The following TENM4 variants were observed in gnomAD, a reference collection of about 807,000 sequenced individuals.
The protein encoded by TENM4 is teneurin-4.
TENM4 carries 82 observed loss-of-function variants against 243.3 expected under a neutral mutation model. The ratio of observed to expected loss-of-function variants is 0.34; its 90% CI spans 0.28 to 0.40. TENM4 has a LOEUF of 0.40. Ranked by LOEUF, TENM4 falls within the 10% of genes least tolerant of loss-of-function variation. The pLI is 1.00. For missense variants in TENM4, 3,138 were observed against 3,673.3 expected (o/e 0.85, Z 3.77); for synonymous variants, 1,412 against 1,456.3 (o/e 0.97, Z 0.69).
At chr11:78,918,450 TAAA>T (rs35213447) in intron 6 of TENM4, among the ~76,000 whole-genome samples, 8 of 143,046 alleles carry the variant, frequency 5.6e-5, no homozygotes, top group Admixed American at 1.4e-4. Context: ...CTACTTATGT[TAAA>T]AAAAAAAAAA....
At chr11:78,893,951 A>T (rs1855731011) in intron 7 of TENM4, among the ~76,000 whole-genome samples, 1 of 152,206 alleles carries the variant, frequency 6.6e-6, no homozygotes, top group Admixed American at 6.5e-5. Context: ...ATGCATTTTA[A>T]GTTCCACAAG....
At chr11:79,205,657 T>C (rs151241142) in intron 3 of TENM4, among the ~76,000 whole-genome samples, 1 of 152,348 alleles carries the variant, frequency 6.6e-6, no homozygotes, top group East Asian at 1.9e-4. Flanking sequence ...TCATTCCTTG[T>C]TAGTGCTGAG....
chr11:79,021,081 A>C (rs1858914840), intron 6 of TENM4, among the ~76,000 whole-genome samples: 1 of 152,168 alleles, frequency 6.6e-6, no homozygotes, highest in African/African-American at 2.4e-5. Context: ...GACACTCAAC[A>C]AATGTTTGGT....
intron 1 of TENM4, among the ~76,000 whole-genome samples, chr11:79,366,909 A>T (rs1030603669): frequency 2.0e-5 from 3 of 152,224 alleles, no homozygotes; most frequent in Non-Finnish European, 2.9e-5. Flanking sequence ...AGAAGGCTAT[A>T]TATCAGTGAA....
At chr11:78,926,967 G>C (rs1856567623) in intron 6 of TENM4, among the ~76,000 whole-genome samples, 1 of 152,116 alleles carries the variant, frequency 6.6e-6, no homozygotes, top group African/African-American at 2.4e-5. Context: ...CATTTTTGTT[G>C]CTTGTTATAA....
At chr11:78,992,946 T>A (rs1340645728) in intron 6 of TENM4, among the ~76,000 whole-genome samples, 1 of 152,192 alleles carries the variant, frequency 6.6e-6, no homozygotes, top group African/African-American at 2.4e-5. Flanking sequence ...CATAATTCTC[T>A]TGTGGGATGA....
chr11:79,036,359 A>G (rs994251591), intron 6 of TENM4, among the ~76,000 whole-genome samples: 2 of 152,232 alleles, frequency 1.3e-5, no homozygotes, highest in Admixed American at 1.3e-4. Context: ...CTTAAGCCCA[A>G]TGCACAAGTC....
chr11:79,098,456 CG>C (rs1861141137), intron 4 of TENM4, among the ~76,000 whole-genome samples: 1 of 152,152 alleles, frequency 6.6e-6, no homozygotes, highest in African/African-American at 2.4e-5. Flanking sequence ...CCACTCAGCA[CG>C]AGTCTGAGAG....
intron 1 of TENM4, among the ~76,000 whole-genome samples, chr11:79,397,041 C>G (rs1858359925): frequency 6.6e-6 from 1 of 152,158 alleles, no homozygotes; most frequent in African/African-American, 2.4e-5. Flanking sequence ...TGCAGGGACT[C>G]TATAGGTCAG....
chr11:79,297,083 C>T (rs796705357), intron 2 of TENM4, among the ~76,000 whole-genome samples: 11 of 152,328 alleles, frequency 7.2e-5, no homozygotes, highest in African/African-American at 2.4e-4. Flanking sequence ...GAGCCCAGAA[C>T]GCTTGACCAC....
At chr11:78,769,093 T>C (rs1171107516) in intron 18 of TENM4, among the ~76,000 whole-genome samples, 2 of 152,236 alleles carry the variant, frequency 1.3e-5, no homozygotes, top group South Asian at 2.1e-4. Context: ...GCCAAGACTT[T>C]TGACTTGTGA....
At chr11:79,084,116 G>T (rs1040469482) in intron 4 of TENM4, among the ~76,000 whole-genome samples, 1 of 152,184 alleles carries the variant, frequency 6.6e-6, no homozygotes, top group African/African-American at 2.4e-5. Flanking sequence ...CACATGAAAA[G>T]ATATTCACCA....
At chr11:79,003,199 G>C (rs1858379221) in intron 6 of TENM4, among the ~76,000 whole-genome samples, 1 of 152,170 alleles carries the variant, frequency 6.6e-6, no homozygotes, top group Non-Finnish European at 1.5e-5. Context: ...CCCTCAAAGA[G>C]AGGAAGAGAA....
intron 1 of TENM4, among the ~76,000 whole-genome samples, chr11:79,322,184 G>T (rs1856901922): frequency 1.3e-5 from 2 of 152,092 alleles, no homozygotes; most frequent in Admixed American, 1.3e-4. Flanking sequence ...GGGCTCCACT[G>T]GCAAAGTCTT....
At chr11:78,744,888 A>C (rs1856010902) in intron 19 of TENM4, among the ~76,000 whole-genome samples, 1 of 152,164 alleles carries the variant, frequency 6.6e-6, no homozygotes, top group Non-Finnish European at 1.5e-5. Context: ...CTCTTAGTTA[A>C]CTTTTTGTTC....
At chr11:79,294,396 G>A (rs1357647028) in intron 2 of TENM4, among the ~76,000 whole-genome samples, 4 of 152,154 alleles carry the variant, frequency 2.6e-5, no homozygotes, top group African/African-American at 9.7e-5. Flanking sequence ...CTTCTTCTGG[G>A]CAGATGTAGC....
At chr11:79,220,986 A>C (rs1242778497) in intron 2 of TENM4, 1 of 152,142 alleles carries the variant, frequency 6.6e-6, no homozygotes, top group Non-Finnish European at 1.5e-5. Context: ...TCACCTTGTT[A>C]CTCTGCGAAG....
intron 1 of TENM4, among the ~76,000 whole-genome samples, chr11:79,426,539 G>A (rs2135599478): frequency 6.6e-6 from 1 of 152,366 alleles, no homozygotes; most frequent in East Asian, 1.9e-4. Flanking sequence ...TCATCCAGAT[G>A]AGAGAAGATC....
At chr11:79,172,327 C>T (rs1334670434) in intron 3 of TENM4, among the ~76,000 whole-genome samples, 1 of 152,174 alleles carries the variant, frequency 6.6e-6, no homozygotes, top group Non-Finnish European at 1.5e-5. Context: ...CATGATCAGC[C>T]CACTACAGCC....
Sources: gnomAD v4.1 joint callset for allele counts (sites outside exome capture counted in the v4.1 genomes callset) on GRCh38, gnomAD v4.1.1 for gene constraint, MANE v1.5 for transcripts, NCBI Gene and HGNC (gene_info 2026-07-23, HGNC 2026-07-21) for gene names.